KDM1B: variants seen among roughly 807,000 people sequenced by gnomAD.
KDM1B encodes lysine demethylase 1B.
KDM1B carries 63 observed loss-of-function variants against 107.4 expected under a neutral mutation model. The ratio of observed to expected loss-of-function variants is 0.59; its 90% CI spans 0.48 to 0.72. The LOEUF (loss-of-function observed/expected upper bound fraction) is 0.72. Among genes scored for constraint, KDM1B ranks in the 30% least tolerant of loss-of-function variants. KDM1B has a pLI of 0.00. For synonymous variants in KDM1B, 363 were observed against 363.9 expected (o/e 1.00, Z 0.03); for missense variants, 749 against 1,020.8 (o/e 0.73, Z 3.63).
intron 9 of KDM1B, among the ~76,000 whole-genome samples, chr6:18,188,782 T>A (rs1348134142): frequency 9.5e-6 from 1 of 105,652 alleles, no homozygotes; most frequent in East Asian, 2.3e-4. Context: ...GCTGGTTAAT[T>A]TTTTTTTTTT....
Position 18,162,983 on chromosome 6 carries a change from C to T in KDM1B, c.305+59C>T, listed in dbSNP as rs758915454. The stretch of plus-strand genomic sequence containing the variant: ...GAAGGGGACCGTGGCAGGGGCAGTG[C>T]GTGTGGTCAGCTGATTAAAGCTTAG... On this transcript the variant is annotated intron_variant, in intron 5 of 21. Coordinates refer to ENST00000650836, the MANE Select transcript of KDM1B (RefSeq NM_001364614.2). The surrounding 1 kb of genome is among the most constrained non-coding windows in gnomAD (Gnocchi z 4.1). 147 of 1,005,404 alleles carry T rather than the reference C, an allele frequency of 1.5e-4. 1 individual carries two copies. Among genetic ancestry groups the T allele is most frequent in the South Asian group, 1.2e-3 (95 of 78,456 alleles). 62.3% of individuals were successfully genotyped at this position (1,005,404 alleles called of 1,614,324 possible).
chr6:18,171,771 A>G (rs1420331982), intron 7 of KDM1B, among the ~76,000 whole-genome samples: 1 of 152,160 alleles, frequency 6.6e-6, no homozygotes, highest in Non-Finnish European at 1.5e-5. Context: ...GTCTAACTTC[A>G]TCCTGAAGGC....
chr6:18,170,851 T>C (rs960187893), intron 6 of KDM1B, among the ~76,000 whole-genome samples: 85 of 151,546 alleles, frequency 5.6e-4, no homozygotes, highest in Non-Finnish European at 9.1e-4. Flanking sequence ...GACGGAGTCT[T>C]GCTCCGTTGC....
chr6:18,210,227 C>T (rs1469581685), intron 17 of KDM1B, among the ~76,000 whole-genome samples: 2 of 152,046 alleles, frequency 1.3e-5, no homozygotes, highest in Non-Finnish European at 1.5e-5. Context: ...AGCAGACTAA[C>T]TCAGTCTAGG....
chr6:18,216,292 G>A (rs1789228050), intron 20 of KDM1B, among the ~76,000 whole-genome samples: 1 of 152,136 alleles, frequency 6.6e-6, no homozygotes, highest in Non-Finnish European at 1.5e-5. Context: ...TGTTTGCCTG[G>A]CTGGTCTTGA....
rs536166351 is a variant in KDM1B at position 18,162,118 on chromosome 6, C to T, written c.215+664C>T. 6.6e-6 allele frequency among the ~76,000 whole-genome samples: 1 copy of T among 152,158 alleles called. No homozygotes were observed. Among genetic ancestry groups the T allele is most frequent in the South Asian group, 2.1e-4 (1 of 4,822 alleles). On this transcript the variant is annotated intron_variant, in intron 4 of 21. Transcript: ENST00000650836. The surrounding 1 kb of genome is among the most constrained non-coding windows in gnomAD (Gnocchi z 4.1). ...GGCGGATCAGTTGAGGTCAGGAGTT[C>T]CAGACCAGCCTGGCCAACATGGTGA...
intron 5 of KDM1B, among the ~76,000 whole-genome samples, chr6:18,164,715 G>T (rs550895263): frequency 1.4e-3 from 209 of 152,058 alleles, no homozygotes; most frequent in Non-Finnish European, 2.5e-3. Context: ...GCGTGATCTT[G>T]GCTCACTGCA....
At chr6:18,176,815 A>G (rs1433106166) in intron 7 of KDM1B, among the ~76,000 whole-genome samples, 2 of 152,194 alleles carry the variant, frequency 1.3e-5, no homozygotes, top group East Asian at 3.8e-4. Flanking sequence ...CCACTTGATC[A>G]TGGTGGATTA....
chr6:18,219,615 C>A (rs916748715), intron 21 of KDM1B, among the ~76,000 whole-genome samples: 1 of 152,162 alleles, frequency 6.6e-6, no homozygotes, highest in African/African-American at 2.4e-5. Context: ...TTTATGCTCC[C>A]TCCCTCCCTG....
At position 18,191,403 on chromosome 6, in the gene KDM1B, A is replaced by G; in HGVS notation, c.969+22A>G. 6.5e-7 allele frequency: 1 copy of G among 1,546,276 alleles called. No homozygotes were observed. The highest frequency in any genetic ancestry group is 8.7e-7 in the Non-Finnish European group (1 of 1,143,130). On this transcript the variant is annotated intron_variant, in intron 10 of 21. Coordinates refer to ENST00000650836, the MANE Select transcript of KDM1B (RefSeq NM_001364614.2). The surrounding 1 kb of genome is among the most constrained non-coding windows in gnomAD (Gnocchi z 5.1). ...CAAAGTAAGTAAGGGCATGTTAGCC[A>G]ATAGCACTGGACAGAGGAGGACCAT...
rs183857963 is a variant in KDM1B at position 18,201,118 on chromosome 6, A to C, written c.1360-368A>C. On this transcript the variant is annotated intron_variant, in intron 13 of 21. Coordinates refer to ENST00000650836, the MANE Select transcript of KDM1B (RefSeq NM_001364614.2). The surrounding 1 kb of genome is among the most constrained non-coding windows in gnomAD (Gnocchi z 4.3). ...TTTATTGATGGTCAATTCAATTTCA[A>C]CTTCTGCTATGAGTGTTTGTGTGTT... 2.0e-5 allele frequency among the ~76,000 whole-genome samples: 3 copies of C among 152,214 alleles called. No homozygotes were observed. The highest frequency in any genetic ancestry group is 7.2e-5 in the African/African-American group (3 of 41,446).
At chr6:18,183,451 G>A (rs995058507) in intron 7 of KDM1B, among the ~76,000 whole-genome samples, 6 of 151,460 alleles carry the variant, frequency 4.0e-5, no homozygotes, top group African/African-American at 1.5e-4. Context: ...GTAGAGACGG[G>A]GTTTCATCAC....
intron 2 of KDM1B, among the ~76,000 whole-genome samples, chr6:18,158,404 GC>G (rs1784771318): frequency 6.6e-6 from 1 of 151,020 alleles, no homozygotes; most frequent in African/African-American, 2.4e-5. Context: ...AATGTAGATG[GC>G]AAAATGAGTT....
chr6:18,159,885 T>C lies in KDM1B; in HGVS notation c.-11T>C. The stretch of plus-strand genomic sequence containing the variant: ...ATGGTCTGATTTTTCTTTTGCAGAT[T>C]ATTTAATGTAATGGCAACTCCACGG... On this transcript the variant is annotated splice_region_variant and 5_prime_UTR_variant, in exon 3 of 22. Transcript: ENST00000650836. The surrounding 1 kb of genome is among the most constrained non-coding windows in gnomAD (Gnocchi z 4.5). 6.5e-7 allele frequency: 1 copy of C among 1,549,050 alleles called. No homozygotes were observed. Among genetic ancestry groups the C allele is most frequent in the East Asian group, 2.2e-5 (1 of 44,556 alleles).
chr6:18,221,796 A>ACAGG (rs1483623177), intron 21 of KDM1B, 113 bp from the exon 22 acceptor site: 18 of 830,690 alleles, frequency 2.2e-5, no homozygotes, highest in African/African-American at 5.2e-5. Flanking sequence ...ATATGAGCAC[A>ACAGG]CAGGAGTGGC....
chr6:18,163,372 C>T (rs1172743467), intron 5 of KDM1B, among the ~76,000 whole-genome samples: 2 of 152,140 alleles, frequency 1.3e-5, no homozygotes, highest in African/African-American at 2.4e-5. Context: ...ACAGTTATTT[C>T]TTGAGTCAAA....
At chr6:18,156,133 G>C (rs1168684854) in intron 2 of KDM1B, among the ~76,000 whole-genome samples, 1 of 152,196 alleles carries the variant, frequency 6.6e-6, no homozygotes, top group Non-Finnish European at 1.5e-5. Context: ...GCACAGCCTT[G>C]CAGGTGTTGT....
Position 18,207,417 on chromosome 6 carries a change from A to T in KDM1B, c.1679A>T (p.Asp560Val). 6.2e-7 allele frequency: 1 copy of T among 1,614,126 alleles called. No homozygotes were observed. The highest frequency in any genetic ancestry group is 8.5e-7 in the Non-Finnish European group (1 of 1,180,010). The change falls in exon 16 of 22, where the codon GAC becomes GTC. Residue 560 changes from aspartate (D) to valine (V), a missense_variant. By Grantham distance (152) the Asp-to-Val change is radical. Transcript: ENST00000650836. ...TCCCAGGTATCTGCTCGCTCGTGGG[A>T]CCACAATGAATTCTTTGCCCAGTTT... ...NLHQVSARSW[D>V]HNEFFAQFAG...
At position 18,197,519 on chromosome 6, in the gene KDM1B, C is replaced by T. The variant is rs76815350; in HGVS notation, c.1147-68C>T. The T allele has an allele frequency of 2.0e-3, 2,553 of 1,255,280 alleles. 29 individuals carry two copies. In the Admixed American group the frequency reaches 0.026, roughly 13 times the overall value. The allele number at this position is 1,255,280 out of a possible 1,614,324, so 77.8% of individuals were successfully genotyped here. The stretch of plus-strand genomic sequence containing the variant: ...AATGAACGAATTTGCTCTGCAGTTC[C>T]GGAACAACTAAAACAGGACGTTGTT... On this transcript the variant is annotated intron_variant, in intron 11 of 21. Coordinates refer to ENST00000650836, the MANE Select transcript of KDM1B (RefSeq NM_001364614.2). This position sits in a 1 kb window ranked among gnomAD's most constrained non-coding sequence, Gnocchi z 4.5.
Sources: gnomAD v4.1 joint callset for allele counts (sites outside exome capture counted in the v4.1 genomes callset) on GRCh38, gnomAD v4.1.1 for gene constraint, Gnocchi (gnomAD v3.1) non-coding constraint, MANE v1.5 for transcripts, NCBI Gene and HGNC (gene_info 2026-07-23, HGNC 2026-07-21) for gene names.